Variants in ROBO2 observed in about 807,000 individuals in gnomAD.
The protein encoded by ROBO2 is roundabout guidance receptor 2.
ROBO2 carries 53 observed loss-of-function variants against 160.8 expected under a neutral mutation model. The observed-to-expected ratio is 0.33, with a 90% CI of 0.26 to 0.41. The LOEUF is 0.41. ROBO2 is among the 10% of genes least tolerant of loss of function. The probability of loss-of-function intolerance (pLI) is 1.00; values close to 1 mark genes in which losing one functional copy is unlikely to be tolerated. For synonymous variants in ROBO2, 664 were observed against 611.7 expected, an observed-to-expected ratio of 1.09 and a Z score of -1.26; for missense variants, 1,577 against 1,722.4, an observed-to-expected ratio of 0.92 and a Z score of 1.49.
intron 2 of ROBO2, among the ~76,000 whole-genome samples, chr3:76,184,150 T>C (rs1166039486): frequency 6.6e-6 from 1 of 152,110 alleles, no homozygotes; most frequent in African/African-American, 2.4e-5. Flanking sequence ...GTGTGGGTTG[T>C]TAATTTAGAC....
intron 2 of ROBO2, among the ~76,000 whole-genome samples, chr3:76,936,648 T>C (rs1303654319): frequency 1.4e-5 from 2 of 146,992 alleles, no homozygotes; most frequent in East Asian, 2.0e-4. Context: ...AATACACATG[T>C]TTACTATATA....
intron 2 of ROBO2, among the ~76,000 whole-genome samples, chr3:76,835,957 T>C (rs899214000): frequency 2.0e-5 from 3 of 152,048 alleles, no homozygotes. Flanking sequence ...GAGACTAAGC[T>C]GCTGAGAGCC....
intron 2 of ROBO2, among the ~76,000 whole-genome samples, chr3:76,007,618 C>G (rs923345924): frequency 1.3e-5 from 2 of 151,982 alleles, no homozygotes; most frequent in African/African-American, 4.8e-5. Context: ...TGTAAACATA[C>G]CTCTGACATT....
intron 2 of ROBO2, among the ~76,000 whole-genome samples, chr3:77,412,902 C>A (rs976589274): frequency 1.8e-4 from 28 of 152,128 alleles, no homozygotes; most frequent in Admixed American, 1.2e-3. Context: ...TCTTTAAACT[C>A]TATTCATTTA....
chr3:77,551,090 T>A (rs1559596012), intron 8 of ROBO2, 101 bp downstream of exon 9: 1 of 1,248,088 alleles, frequency 8.0e-7, no homozygotes, highest in Non-Finnish European at 1.2e-6. Flanking sequence ...ATCATTTCTA[T>A]GTATGCTTAT....
At chr3:77,503,883 A>C (rs1281401023) in intron 5 of ROBO2, among the ~76,000 whole-genome samples, 1 of 152,236 alleles carries the variant, frequency 6.6e-6, no homozygotes, top group Non-Finnish European at 1.5e-5. Context: ...TTACATGAAC[A>C]AGGAACATAT....
At chr3:77,179,658 C>T (rs190513941) in intron 2 of ROBO2, among the ~76,000 whole-genome samples, 4 of 152,162 alleles carry the variant, frequency 2.6e-5, no homozygotes, top group Admixed American at 1.3e-4. Context: ...ATCTATGTCC[C>T]GTTTCTTTTA....
At chr3:76,587,165 A>G (rs2086096458) in intron 2 of ROBO2, among the ~76,000 whole-genome samples, 1 of 152,026 alleles carries the variant, frequency 6.6e-6, no homozygotes, top group South Asian at 2.1e-4. Context: ...GAGCCTTAAC[A>G]CCCATTTCAA....
intron 2 of ROBO2, among the ~76,000 whole-genome samples, chr3:76,961,306 T>TAA (rs1424953575): frequency 7.3e-6 from 1 of 137,024 alleles, no homozygotes; most frequent in African/African-American, 2.7e-5. Flanking sequence ...AAGGAAAATG[T>TAA]AAAAAAAAAA....
intron 2 of ROBO2, among the ~76,000 whole-genome samples, chr3:77,312,700 C>T (rs1448891051): frequency 6.6e-6 from 1 of 152,124 alleles, no homozygotes; most frequent in Non-Finnish European, 1.5e-5. Context: ...TTTTCTTAAA[C>T]TTTAACTGTC....
At chr3:76,125,705 C>T (rs1018165620) in intron 2 of ROBO2, among the ~76,000 whole-genome samples, 5 of 152,012 alleles carry the variant, frequency 3.3e-5, no homozygotes, top group Admixed American at 1.3e-4. Flanking sequence ...TCTTTCTGGG[C>T]CCCATACCCC....
At position 77,513,589 on chromosome 3, in the gene ROBO2, C is replaced by T. The variant is rs77596534; in HGVS notation, c.807-9186C>T. Among the ~76,000 whole-genome samples the T allele has an allele frequency of 8.2e-4, 124 of 151,924 alleles. No individual in the cohort carries two copies. The East Asian group carries it at 0.02, about 24-fold the overall frequency. ...ATTATTCATCAAATATAAGATCACA[C>T]ACAAACAGAATGTTGCATGCAAACT... On this transcript the variant is annotated intron_variant, in intron 5 of 25. Coordinates refer to ENST00000461745, the Ensembl canonical transcript of ROBO2.
At chr3:76,481,860 A>G (rs1052970731) in intron 2 of ROBO2, among the ~76,000 whole-genome samples, 1 of 152,130 alleles carries the variant, frequency 6.6e-6, no homozygotes, top group Non-Finnish European at 1.5e-5. Context: ...AAGACCCTGA[A>G]GATCTCCCCA....
chr3:77,117,565 A>G (rs1040173386), intron 2 of ROBO2, among the ~76,000 whole-genome samples: 13 of 152,140 alleles, frequency 8.5e-5, no homozygotes, highest in African/African-American at 2.2e-4. Context: ...AATTTTCTTC[A>G]TATCTGTATT....
intron 2 of ROBO2, among the ~76,000 whole-genome samples, chr3:76,016,523 A>C (rs1180374400): frequency 6.6e-6 from 1 of 152,078 alleles, no homozygotes; most frequent in Non-Finnish European, 1.5e-5. Flanking sequence ...TTTGGTAAAG[A>C]TACTTTAAAT....
intron 14 of ROBO2, among the ~76,000 whole-genome samples, chr3:77,576,324 G>A (rs1299341594): frequency 6.6e-6 from 1 of 151,960 alleles, no homozygotes. Context: ...CAAAACATGG[G>A]ATATCTGCTG....
At position 76,933,158 on chromosome 3, in the gene ROBO2, C is replaced by G. The variant is rs190990035; in HGVS notation, c.110-164856C>G. Among the ~76,000 whole-genome samples the G allele has an allele frequency of 9.3e-4, 141 of 152,236 alleles. 1 individual carries two copies. Among genetic ancestry groups the G allele is most frequent in the Non-Finnish European group, 1.8e-3 (125 of 67,996 alleles). On this transcript the variant is annotated intron_variant, in intron 2 of 26. Transcript: ENST00000487694. ...CATAACCAGCAAGTATGTTATAATC[C>G]TTTCCCAAGTCTCATTAGTTTTTTC...
At chr3:76,622,923 G>C (rs368060057) in intron 2 of ROBO2, among the ~76,000 whole-genome samples, 25 of 152,244 alleles carry the variant, frequency 1.6e-4, no homozygotes, top group East Asian at 1.5e-3. Flanking sequence ...CCAGTGACAG[G>C]CTTCCCCGAT....
rs368917842 is a variant in ROBO2, at chr3:76,033,241, C to A, written c.109+95639C>A. On this transcript the variant is annotated intron_variant, in intron 2 of 26. Coordinates refer to the ROBO2 transcript ENST00000487694. ...AGAGCTTTCTATGTATTTTCTATTT[C>A]TTTCTTTAGACAATATTACCACGTG... Among the ~76,000 whole-genome samples, 4 of 152,124 alleles carry A rather than the reference C, an allele frequency of 2.6e-5. No homozygotes were observed. The East Asian group carries it at 5.8e-4, about 22-fold the overall frequency.
Sources: gnomAD v4.1 joint callset for allele counts (sites outside exome capture counted in the v4.1 genomes callset) on GRCh38, gnomAD v4.1.1 for gene constraint, MANE v1.5 for transcripts, NCBI Gene and HGNC (gene_info 2026-07-23, HGNC 2026-07-21) for gene names.